Variants in POP4 observed in about 807,000 individuals in gnomAD.
POP4 encodes the protein POP4 ribonuclease P/MRP subunit.
Under a neutral mutation model 29.9 loss-of-function variants are expected in POP4, and 31 were observed. The observed-to-expected ratio is 1.04, with a 90% CI of 0.78 to 1.40. POP4 has a LOEUF of 1.40. Among genes scored for constraint, POP4 ranks in the 40% most tolerant of loss-of-function variants. The pLI is 0.00. For synonymous variants in POP4, 110 were observed against 108.2 expected, an observed-to-expected ratio of 1.02 and a Z score of -0.10; for missense variants, 286 against 282.7, an observed-to-expected ratio of 1.01 and a Z score of -0.08.
intron 2 of POP4, among the ~76,000 whole-genome samples, chr19:29,609,782 G>C (rs12461124): frequency 0.11 from 16,399 of 152,214 alleles, 1,482 homozygotes; most frequent in African/African-American, 0.25. Context: ...CCTGGGGCCT[G>C]AGATGCTCTC....
chr19:29,612,241 G>A (rs1971077876), intron 5 of POP4, 63 bp downstream of exon 5: 2 of 1,471,080 alleles, frequency 1.4e-6, no homozygotes, highest in Non-Finnish European at 1.8e-6. Context: ...ACTCTGTGGA[G>A]ACCCAGGGCG....
At chr19:29,610,141 A>G (rs1971046909) in intron 2 of POP4, 1 of 480,106 alleles carries the variant, frequency 2.1e-6, no homozygotes, top group African/African-American at 2.0e-5. Context: ...GAATAACCTC[A>G]GAAAAGCAGG....
chr19:29,608,053 C>G (rs999838409), intron 1 of POP4, among the ~76,000 whole-genome samples: 5 of 151,944 alleles, frequency 3.3e-5, no homozygotes, highest in African/African-American at 1.2e-4. Flanking sequence ...TAATAAGATC[C>G]CAGAGATTTT....
At chr19:29,609,976 GT>G (rs1167916699) in intron 2 of POP4, among the ~76,000 whole-genome samples, 2 of 152,190 alleles carry the variant, frequency 1.3e-5, no homozygotes, top group African/African-American at 4.8e-5. Context: ...TTTCTGTAGT[GT>G]TAGGATCACT....
Position 29,613,897 on chromosome 19 carries a change from G to A in POP4, c.451G>A (p.Val151Met). 6.2e-7 allele frequency: 1 copy of A among 1,613,526 alleles called. No individual in the cohort carries two copies. The highest frequency in any genetic ancestry group is 2.2e-5 in the East Asian group (1 of 44,874). The part of the protein sequence containing the change: ...SVTKSKCPSY[V>M]GITGILLQET... ...GACAAAATCCAAATGCCCCTCTTAT[G>A]TGGGTATTACAGGAATCCTTCTACA... Residue 151 changes from valine (V) to methionine (M), a missense_variant, in exon 6 of 7, where the codon GTG (valine) becomes ATG (methionine). Physicochemically the swap from Val to Met is conservative, Grantham distance 21. Coordinates refer to ENST00000585603, the MANE Select transcript of POP4 (RefSeq NM_006627.3).
rs12609044 is a variant in POP4, at chr19:29,607,215, C to T, written c.7+890C>T. ...TTGGGAGGCTGAGGCAGGGGGATCA[C>T]TTGAGGCCAAGAGTTGAAGACCAAC... On this transcript the variant is annotated intron_variant, in intron 1 of 6. Transcript: ENST00000585603. 0.011 allele frequency among the ~76,000 whole-genome samples: 1,656 copies of T among 151,644 alleles called. 95 individuals carry two copies. In the East Asian group the frequency reaches 0.14, roughly 13 times the overall value.
At chr19:29,607,963 G>A (rs900947291) in intron 1 of POP4, among the ~76,000 whole-genome samples, 1 of 152,180 alleles carries the variant, frequency 6.6e-6, no homozygotes, top group Admixed American at 6.5e-5. Flanking sequence ...AACTCAAAAT[G>A]TGATTCACTG....
rs982447269 is a variant in POP4 at position 29,616,290 on chromosome 19, A to T, written c.*910A>T. 1 of 152,256 alleles carries T rather than the reference A, an allele frequency of 6.6e-6. No homozygotes were observed. The allele number at this position is 152,256 out of a possible 1,614,324, so 9.4% of individuals were successfully genotyped here. On this transcript the variant is annotated 3_prime_UTR_variant, in exon 7 of 7. Coordinates refer to ENST00000585603, the MANE Select transcript of POP4 (RefSeq NM_006627.3). Reference sequence around the variant, plus strand: ...TAAAGCCAGTGGGTCAGGCCCTTCCATGCAGGGCCAGAGGAAAAGCGGGCC... The same window carrying T: ...TAAAGCCAGTGGGTCAGGCCCTTCCTTGCAGGGCCAGAGGAAAAGCGGGCC...
chr19:29,616,519 G>A lies in POP4; in HGVS notation c.*1139G>A, dbSNP rs1463123089. 1.3e-5 allele frequency: 2 copies of A among 152,276 alleles called. No individual in the cohort carries two copies. The highest frequency in any genetic ancestry group is 3.9e-4 in the East Asian group (2 of 5,180). 9.4% of individuals were successfully genotyped at this position (152,276 alleles called of 1,614,324 possible). ...GCAGTGCCAGGGCTTTGCGTTTCTG[G>A]TAACTTCCACCCAAACCACACCAGA... On this transcript the variant is annotated 3_prime_UTR_variant, in exon 7 of 7. Transcript: ENST00000585603.
At chr19:29,610,698 G>C (rs1971057891) in intron 3 of POP4, 66 bp downstream of exon 3, 2 of 1,516,586 alleles carry the variant, frequency 1.3e-6, no homozygotes, top group South Asian at 2.4e-5. Flanking sequence ...GAACTTGGCT[G>C]AGTGGCTGGG....
At position 29,612,030 on chromosome 19, in the gene POP4, G is replaced by C. The variant is rs76877221; in HGVS notation, c.363-87G>C. The C allele has an allele frequency of 2.2e-3, 3,498 of 1,585,658 alleles. 76 individuals are homozygous for C. In the African/African-American group the frequency reaches 0.039, roughly 18 times the overall value. ...GGCTTCAGGAACCAGCGTTGGTATT[G>C]CCTGGCTGCAGACGGTTAAAGACCT... On this transcript the variant is annotated intron_variant, in intron 4 of 6. Transcript: ENST00000585603.
At chr19:29,610,056 T>C (rs1039548831) in intron 2 of POP4, among the ~76,000 whole-genome samples, 1 of 152,256 alleles carries the variant, frequency 6.6e-6, no homozygotes, top group African/African-American at 2.4e-5. Flanking sequence ...ATATTTGTTA[T>C]ACATTTCTCA....
At chr19:29,612,595 T>C (rs1209369015) in intron 5 of POP4, among the ~76,000 whole-genome samples, 1 of 152,266 alleles carries the variant, frequency 6.6e-6, no homozygotes, top group Admixed American at 6.5e-5. Context: ...GGCTCAGGCA[T>C]CCAGCTGCCC....
chr19:29,613,956 A>G lies in POP4; in HGVS notation c.510A>G (p.Lys170=), dbSNP rs779534128. ...ETKHIFKIIT[K]EDRLKVIPKL... ...AGCACATTTTCAAAATTATCACCAA[A>G]GAAGACCGCCTGAAAGGTATGTAGG... is the stretch of plus-strand genomic sequence containing the variant. Residue 170 remains lysine, a synonymous_variant, in exon 6 of 7, where the codon AAA becomes AAG. Transcript: ENST00000585603. The G allele has an allele frequency of 6.8e-6, 11 of 1,613,730 alleles. No homozygotes were observed. The East Asian group carries it at 2.5e-4, about 36-fold the overall frequency.
At chr19:29,611,436 C>T (rs1465562411) in intron 3 of POP4, 19 of 197,378 alleles carry the variant, frequency 9.6e-5, no homozygotes, top group Admixed American at 3.4e-4. Flanking sequence ...CCCTGCTCCC[C>T]GCTTCTTCTC....
intron 5 of POP4, 80 bp from the exon 6 acceptor site, chr19:29,613,791 C>T (rs1168500347): frequency 6.5e-7 from 1 of 1,529,264 alleles, no homozygotes; most frequent in East Asian, 2.3e-5. Context: ...ATCAGCACCC[C>T]CAACCCCTGA....
In POP4 at chr19:29,611,706, G is replaced by A. The variant is rs771898446; in HGVS notation, c.285-156G>A. On this transcript the variant is annotated intron_variant, in intron 3 of 6. Coordinates refer to ENST00000585603, the MANE Select transcript of POP4 (RefSeq NM_006627.3). ...TAGAGAGGTGTAGGTTCTTGGTCTC[G>A]GTTATCAGCTCAATTGCTCATCGTC... 38 of 643,214 alleles carry A rather than the reference G, an allele frequency of 5.9e-5. No individual in the cohort carries two copies. The Middle Eastern group carries it at 1.0e-3, about 18-fold the overall frequency. The allele number at this position is 643,214 out of a possible 1,614,324, so 39.8% of individuals were successfully genotyped here. A position where few individuals can be genotyped will look rare whatever the true frequency, so the allele number is the denominator to read the frequency against.
Position 29,610,626 on chromosome 19 carries a change from A to C in POP4, c.278A>C (p.Gln93Pro). 6.2e-7 allele frequency: 1 copy of C among 1,613,630 alleles called. No homozygotes were observed. The highest frequency in any genetic ancestry group is 8.5e-7 in the Non-Finnish European group (1 of 1,179,906). ...CGGCTCTTTGACATTAAACCAGAGC[A>C]GCAGAGGTAACCCGAGCTCCCCACG... is the stretch of plus-strand genomic sequence containing the variant. ...ELRLFDIKPEQQRYSLFLPLH... is the reference protein window; with the variant it reads ...ELRLFDIKPEPQRYSLFLPLH... The change falls in exon 3 of 7, where the codon CAG becomes CCG. Residue 93 changes from glutamine to proline, a missense_variant. Physicochemically the swap from Gln to Pro is moderately conservative, Grantham distance 76. Coordinates refer to ENST00000585603, the MANE Select transcript of POP4 (RefSeq NM_006627.3).
In POP4 at chr19:29,610,992, C is replaced by T. The variant is rs1043643439; in HGVS notation, c.284+360C>T. On this transcript the variant is annotated intron_variant, in intron 3 of 6. Transcript: ENST00000585603. The stretch of plus-strand genomic sequence containing the variant: ...TGATAGAGCCAGACAGTCACCCACT[C>T]GGGTTTCATTGCCAAAGCAAGATGT... The T allele has an allele frequency of 5.3e-5, 12 of 228,170 alleles. 1 individual carries two copies. Among genetic ancestry groups the T allele is most frequent in the East Asian group, 1.2e-4 (1 of 8,464 alleles). The allele number at this position is 228,170 out of a possible 1,614,324, so 14.1% of individuals were successfully genotyped here.
Sources: allele counts gnomAD v4.1 joint callset (sites outside exome capture counted in the v4.1 genomes callset), GRCh38; gene constraint gnomAD v4.1.1; transcripts MANE v1.5; gene names NCBI Gene and HGNC (gene_info 2026-07-23, HGNC 2026-07-21).